Variants in MTA3 observed in about 807,000 individuals in gnomAD.
MTA3 encodes the protein metastasis-associated protein MTA3.
MTA3 carries 34 observed loss-of-function variants against 83.5 expected under a neutral mutation model. That is an observed-to-expected ratio of 0.41 (90% CI 0.31 to 0.54). The LOEUF is 0.54. Among genes scored for constraint, MTA3 ranks in the 20% least tolerant of loss-of-function variants. MTA3 has a pLI of 0.33. For missense variants in MTA3, 761 were observed against 726.4 expected, an observed-to-expected ratio of 1.05 and a Z score of -0.55; for synonymous variants, 303 against 252.7, an observed-to-expected ratio of 1.20 and a Z score of -1.89.
At position 42,586,557 on chromosome 2, in the gene MTA3, A is replaced by AACACAC. The variant is rs68029790; in HGVS notation, c.190+7411_190+7416dup. Among the ~76,000 whole-genome samples, 900 of 125,818 alleles carry AACACAC rather than the reference A, an allele frequency of 7.2e-3. 10 individuals are homozygous for AACACAC. The highest frequency in any genetic ancestry group is 0.013 in the East Asian group (51 of 3,812). The allele number at this position is 125,818 out of a possible 152,430, so 82.5% of individuals were successfully genotyped here. On this transcript the variant is annotated intron_variant, in intron 3 of 16. Transcript: ENST00000405094. ...AAAACACACACACACAAGGAAGGAAAACACACACACACACACACACACACA... is the reference window on the plus strand; with the variant it reads ...AAAACACACACACACAAGGAAGGAAAACACACACACACACACACACACACACACACA...
chr2:42,596,777 C>G (rs1365486005), intron 3 of MTA3, among the ~76,000 whole-genome samples: 1 of 152,158 alleles, frequency 6.6e-6, no homozygotes, highest in Admixed American at 6.6e-5. Flanking sequence ...TGGAAGAATA[C>G]AGGCTCATGT....
chr2:42,622,530 A>G (rs999287131), intron 4 of MTA3, among the ~76,000 whole-genome samples: 13 of 152,360 alleles, frequency 8.5e-5, no homozygotes, highest in East Asian at 5.8e-4. Flanking sequence ...ATTTTAAATT[A>G]GTAAATGTTA....
At chr2:42,670,877 G>C (rs1300881027) in intron 8 of MTA3, among the ~76,000 whole-genome samples, 3 of 151,850 alleles carry the variant, frequency 2.0e-5, no homozygotes, top group Non-Finnish European at 4.4e-5. Flanking sequence ...TATTAGTTCA[G>C]TATAATAATC....
intron 2 of MTA3, among the ~76,000 whole-genome samples, chr2:42,546,997 C>T (rs1676785738): frequency 6.6e-6 from 1 of 152,172 alleles, no homozygotes; most frequent in African/African-American, 2.4e-5. Flanking sequence ...GCTAATCTGC[C>T]AGGCTTCACG....
chr2:42,645,625 A>C (rs1015026297), intron 6 of MTA3, among the ~76,000 whole-genome samples: 2 of 152,222 alleles, frequency 1.3e-5, no homozygotes, highest in Admixed American at 6.5e-5. Flanking sequence ...TAGAATATCA[A>C]ACCACCAAGA....
intron 2 of MTA3, among the ~76,000 whole-genome samples, chr2:42,527,057 A>AAAG (rs1675746613): frequency 1.3e-5 from 2 of 149,812 alleles, no homozygotes; most frequent in African/African-American, 4.9e-5. Flanking sequence ...TGTCTCAAAA[A>AAAG]AAAAAAAAAA....
chr2:42,631,393 C>G (rs901060998), intron 4 of MTA3, among the ~76,000 whole-genome samples: 36 of 152,110 alleles, frequency 2.4e-4, no homozygotes, highest in African/African-American at 8.2e-4. Context: ...ACTGCTTAAC[C>G]CCTTTAAGGG....
intron 2 of MTA3, among the ~76,000 whole-genome samples, chr2:42,576,509 A>G (rs536645753): frequency 6.6e-6 from 1 of 152,342 alleles, no homozygotes; most frequent in Non-Finnish European, 1.5e-5. Flanking sequence ...TCAGGCCTGT[A>G]GTCCCAGCTG....
intron 2 of MTA3, among the ~76,000 whole-genome samples, chr2:42,531,341 T>G (rs985873323): frequency 6.6e-6 from 1 of 152,026 alleles, no homozygotes; most frequent in Non-Finnish European, 1.5e-5. Context: ...GAGCCCTTTT[T>G]CATGCATGGT....
chr2:42,706,214 A>G (rs182015263), intron 12 of MTA3, among the ~76,000 whole-genome samples: 7 of 152,312 alleles, frequency 4.6e-5, no homozygotes, highest in African/African-American at 1.7e-4. Context: ...AGCATGGCAC[A>G]TGTATACATA....
rs1287859672 is a variant in MTA3 at position 42,713,344 on chromosome 2, CAGCTAA to C, written c.1525+4251_1525+4256del. On this transcript the variant is annotated intron_variant, in intron 14 of 16. Coordinates refer to ENST00000405094, the MANE Select transcript of MTA3 (RefSeq NM_001330442.2). The stretch of plus-strand genomic sequence containing the variant: ...TTATGAGATTTTTCTAGAGATTTCT[CAGCTAA>C]AGTTAATGAGTATAAGCTTTTCTGA... Among the ~76,000 whole-genome samples, 4 of 113,832 alleles carry C rather than the reference CAGCTAA, an allele frequency of 3.5e-5. No homozygotes were observed. The Admixed American group carries it at 3.7e-4, about 11-fold the overall frequency. The allele number at this position is 113,832 out of a possible 152,430, so 74.7% of individuals were successfully genotyped here.
intron 14 of MTA3, among the ~76,000 whole-genome samples, chr2:42,718,720 G>A (rs1475833244): frequency 6.6e-6 from 1 of 152,026 alleles, no homozygotes; most frequent in Non-Finnish European, 1.5e-5. Flanking sequence ...CTGAGAGCAC[G>A]CTATTGTACT....
chr2:42,710,199 G>C (rs1666480260), intron 14 of MTA3, among the ~76,000 whole-genome samples: 1 of 152,166 alleles, frequency 6.6e-6, no homozygotes, highest in Non-Finnish European at 1.5e-5. Context: ...ATTTTTAGCA[G>C]AATAGTTGAA....
intron 3 of MTA3, among the ~76,000 whole-genome samples, chr2:42,586,977 C>T (rs561019999): frequency 2.0e-5 from 3 of 152,036 alleles, no homozygotes; most frequent in East Asian, 1.9e-4. Flanking sequence ...GAGCTGAGAT[C>T]GTGCCACTGC....
At chr2:42,729,184 T>C (rs1668069004) in intron 16 of MTA3, among the ~76,000 whole-genome samples, 1 of 143,174 alleles carries the variant, frequency 7.0e-6, no homozygotes, top group South Asian at 2.5e-4. Flanking sequence ...AGCTCTACCT[T>C]CCGGGGGGTT....
intron 4 of MTA3, among the ~76,000 whole-genome samples, chr2:42,623,385 C>G (rs1185833371): frequency 6.6e-6 from 1 of 152,114 alleles, no homozygotes; most frequent in African/African-American, 2.4e-5. Flanking sequence ...TTTTTCCTGT[C>G]CAGCCTTCCC....
At chr2:42,645,290 C>T (rs1321332789) in intron 6 of MTA3, among the ~76,000 whole-genome samples, 3 of 151,990 alleles carry the variant, frequency 2.0e-5, no homozygotes, top group South Asian at 4.1e-4. Flanking sequence ...TTTGAGGGGC[C>T]GCAGCAGGTG....
In MTA3 at chr2:42,721,769, CA is replaced by C. The variant is rs375542233; in HGVS notation, c.1613-1118del. On this transcript the variant is annotated intron_variant, in intron 15 of 16. Transcript: ENST00000405094. Reference sequence around the variant, plus strand: ...ATTCTCTTCCCTCATAAGGCCAAGACAACCAGATGAACAAAGGCTTCAGTGA... The same window carrying C: ...ATTCTCTTCCCTCATAAGGCCAAGACACCAGATGAACAAAGGCTTCAGTGA... Among the ~76,000 whole-genome samples, 25 of 152,296 alleles carry C rather than the reference CA, an allele frequency of 1.6e-4. No homozygotes were observed. The East Asian group carries it at 4.2e-3, about 26-fold the overall frequency.
At chr2:42,679,780 T>C (rs936217668) in intron 8 of MTA3, among the ~76,000 whole-genome samples, 2 of 152,018 alleles carry the variant, frequency 1.3e-5, no homozygotes, top group Non-Finnish European at 2.9e-5. Context: ...ACCAGCACCA[T>C]AGTTCCTCAT....
Sources: allele counts gnomAD v4.1 joint callset (sites outside exome capture counted in the v4.1 genomes callset), GRCh38; gene constraint gnomAD v4.1.1; transcripts MANE v1.5; gene names NCBI Gene and HGNC (gene_info 2026-07-23, HGNC 2026-07-21).